The following SV2C variants were observed in gnomAD, a reference collection of about 807,000 sequenced individuals.
SV2C encodes the protein synaptic vesicle glycoprotein 2C.
In SV2C, 49 loss-of-function variants were observed where a neutral mutation model predicts 79.7. That is an observed-to-expected ratio of 0.61 (90% CI 0.49 to 0.78). SV2C has a LOEUF of 0.78. SV2C is among the 30% of genes least tolerant of loss of function. The probability of loss-of-function intolerance (pLI) is 0.00; values close to 1 mark genes in which losing one functional copy is unlikely to be tolerated. For missense variants in SV2C, 833 were observed against 912.9 expected, an observed-to-expected ratio of 0.91 and a Z score of 1.13; for synonymous variants, 334 against 333.2, an observed-to-expected ratio of 1.00 and a Z score of -0.03.
the SV2C span, among the ~76,000 whole-genome samples, chr5:75,983,156 A>G: frequency 6.6e-6 from 1 of 152,264 alleles, no homozygotes; most frequent in East Asian, 1.9e-4. Flanking sequence ...ATAAATCTGT[A>G]CAACAGACCC....
At chr5:75,992,707 G>C in the SV2C span, among the ~76,000 whole-genome samples, 1 of 151,638 alleles carries the variant, frequency 6.6e-6, no homozygotes, top group Non-Finnish European at 1.5e-5. Context: ...CACAAAAATG[G>C]GTCATTGACA....
intron 2 of SV2C, among the ~76,000 whole-genome samples, chr5:76,147,867 A>G (rs1749487434): frequency 6.6e-6 from 1 of 152,152 alleles, no homozygotes; most frequent in Non-Finnish European, 1.5e-5. Flanking sequence ...CCTTTTTAAA[A>G]TGTATCATAC....
chr5:76,301,001 G>A, intron 11 of SV2C, 69 bp downstream of exon 11: 1 of 1,534,880 alleles, frequency 6.5e-7, no homozygotes, highest in Admixed American at 1.8e-5. Flanking sequence ...GTTTCCCCCT[G>A]TACTCCCATC....
intron 4 of SV2C, among the ~76,000 whole-genome samples, chr5:76,266,852 A>T (rs1230408807): frequency 1.3e-5 from 2 of 152,248 alleles, no homozygotes; most frequent in Non-Finnish European, 2.9e-5. Flanking sequence ...AATGAAAACA[A>T]AATAAGCAGT....
the SV2C span, among the ~76,000 whole-genome samples, chr5:75,971,067 C>T: frequency 6.6e-6 from 1 of 152,054 alleles, no homozygotes; most frequent in African/African-American, 2.4e-5. Flanking sequence ...GAACCAAAGA[C>T]AAAAACCACA....
At chr5:75,952,289 T>TCC in the SV2C span, among the ~76,000 whole-genome samples, 60 of 124,446 alleles carry the variant, frequency 4.8e-4, no homozygotes, top group African/African-American at 1.2e-3. Context: ...CTTCCTTCCT[T>TCC]TCTTCCTTCC....
At chr5:76,265,449 G>A (rs1034709087) in intron 4 of SV2C, among the ~76,000 whole-genome samples, 3 of 152,174 alleles carry the variant, frequency 2.0e-5, no homozygotes, top group African/African-American at 7.2e-5. Flanking sequence ...GCCTTTCAAG[G>A]GTAGTGAATG....
chr5:76,084,022 AG>A (rs1232392502), intron 1 of SV2C: 1 of 152,322 alleles, frequency 6.6e-6, no homozygotes, highest in African/African-American at 2.4e-5. Flanking sequence ...GAGCAGAGGT[AG>A]CCGCAGTAAG....
chr5:75,914,428 A>G, the SV2C span, among the ~76,000 whole-genome samples: 1 of 152,332 alleles, frequency 6.6e-6, no homozygotes, highest in South Asian at 2.1e-4. Context: ...AACCCAGCTG[A>G]ATCTTTAGTG....
At chr5:76,131,529 A>G in intron 1 of SV2C, 121 bp from the exon 2 acceptor site, 2 of 332,582 alleles carry the variant, frequency 6.0e-6, no homozygotes, top group Non-Finnish European at 1.1e-5. Context: ...AAAAAAAAAA[A>G]AGGAAAAACT....
chr5:76,308,325 A>T (rs969122726), intron 12 of SV2C, among the ~76,000 whole-genome samples: 1 of 152,158 alleles, frequency 6.6e-6, no homozygotes, highest in African/African-American at 2.4e-5. Flanking sequence ...CATGGATACC[A>T]TGGGAGGGAG....
chr5:76,342,885 T>C (rs1749469242), intron 12 of SV2C, among the ~76,000 whole-genome samples: 1 of 124,008 alleles, frequency 8.1e-6, no homozygotes, highest in South Asian at 3.0e-4. Flanking sequence ...TCTCTCTCTC[T>C]CTTTTTTTTT....
intron 1 of SV2C, among the ~76,000 whole-genome samples, chr5:76,100,008 G>A (rs1747685336): frequency 6.6e-6 from 1 of 152,110 alleles, no homozygotes; most frequent in Admixed American, 6.5e-5. Flanking sequence ...CAGCAAATTG[G>A]CCAAAATATT....
At chr5:76,121,899 C>A (rs1748512943) in intron 1 of SV2C, among the ~76,000 whole-genome samples, 1 of 151,986 alleles carries the variant, frequency 6.6e-6, no homozygotes, top group Non-Finnish European at 1.5e-5. Flanking sequence ...TTTTCCAATT[C>A]TGTGAAGAAA....
the SV2C span, among the ~76,000 whole-genome samples, chr5:75,908,045 C>G: frequency 6.6e-6 from 1 of 152,010 alleles, no homozygotes; most frequent in East Asian, 1.9e-4. Context: ...AGAGAGGGAA[C>G]GTGACTTAAA....
chr5:75,886,239 T>C, the SV2C span, among the ~76,000 whole-genome samples: 4 of 152,188 alleles, frequency 2.6e-5, no homozygotes, highest in African/African-American at 4.8e-5. Context: ...TTTCCTTTGA[T>C]TCAGCTCTTT....
the SV2C span, among the ~76,000 whole-genome samples, chr5:76,059,010 G>A: frequency 1.2e-3 from 187 of 152,182 alleles, no homozygotes; most frequent in Non-Finnish European, 2.1e-3. Context: ...GTCTCCCAGT[G>A]CATATAAAAG....
intron 12 of SV2C, among the ~76,000 whole-genome samples, chr5:76,324,673 C>T (rs997439889): frequency 3.3e-5 from 5 of 151,702 alleles, no homozygotes; most frequent in Non-Finnish European, 1.5e-5. Context: ...GGAGGACACC[C>T]CCATCTCTAC....
chr5:75,869,896 T>C, the SV2C span, among the ~76,000 whole-genome samples: 1 of 152,164 alleles, frequency 6.6e-6, no homozygotes, highest in African/African-American at 2.4e-5. Flanking sequence ...CCAGATATTG[T>C]CCAAGACCAT....
Sources: allele counts gnomAD v4.1 joint callset (sites outside exome capture counted in the v4.1 genomes callset), GRCh38; gene constraint gnomAD v4.1.1; transcripts MANE v1.5; gene names NCBI Gene and HGNC (gene_info 2026-07-23, HGNC 2026-07-21).